The following CHST10 variants were observed in gnomAD, a reference collection of about 807,000 sequenced individuals.
CHST10 encodes carbohydrate sulfotransferase 10, also known as HNK-1 sulfotransferase.
Under a neutral mutation model 34.7 loss-of-function variants are expected in CHST10, and 24 were observed. That is an observed-to-expected ratio of 0.69 (90% CI 0.50 to 0.97). The LOEUF (loss-of-function observed/expected upper bound fraction) is 0.97. Among genes scored for constraint, CHST10 ranks in the 50% least tolerant of loss-of-function variants. CHST10 has a pLI of 0.00. For synonymous variants in CHST10, 161 were observed against 169.3 expected, an observed-to-expected ratio of 0.95 and a Z score of 0.38; for missense variants, 402 against 452.1, an observed-to-expected ratio of 0.89 and a Z score of 1.00.
At chr2:100,407,599 C>G (rs530963259) in intron 2 of CHST10, 1 of 152,288 alleles carries the variant, frequency 6.6e-6, no homozygotes, top group East Asian at 1.9e-4. Flanking sequence ...CAAATAATTT[C>G]AGAGAGAGCC....
At position 100,398,101 on chromosome 2, in the gene CHST10, G is replaced by C; in HGVS notation, c.234C>G (p.Pro78=). 6.2e-7 allele frequency: 1 copy of C among 1,613,896 alleles called. No individual in the cohort carries two copies. ...GTTCCAGGCGCTCCATGTAGACCAG[G>C]GGCTGAACGAGCTGGCTGTCTGGAA... ...KELPDSQLVQ[P]LVYMERLELI... is the part of the protein sequence containing the mutation. Residue 78 remains proline (P), a synonymous_variant, in exon 5 of 7, where the codon CCC becomes CCG. Transcript: ENST00000264249.
At chr2:100,397,842 C>T in intron 5 of CHST10, 66 bp downstream of exon 5, 1 of 1,339,230 alleles carries the variant, frequency 7.5e-7, no homozygotes, top group Non-Finnish European at 1.0e-6. Context: ...TTGCTGTCCT[C>T]CCCAGCCTCC....
At chr2:100,408,137 A>C (rs1675664041) in intron 2 of CHST10, 1 of 152,094 alleles carries the variant, frequency 6.6e-6, no homozygotes, top group Non-Finnish European at 1.5e-5. Flanking sequence ...TTTTTAGTAT[A>C]AAGTATGTCC....
At chr2:100,398,286 C>T (rs1386248460) in intron 4 of CHST10, 144 bp from the exon 5 acceptor site, 20 of 616,500 alleles carry the variant, frequency 3.2e-5, no homozygotes, top group Non-Finnish European at 5.0e-5. Context: ...TACAGAGTGA[C>T]ACCCACTATC....
rs1674826777 is a variant in CHST10, at chr2:100,392,256, A to C, written c.*989T>G. The C allele has an allele frequency of 6.5e-6, 1 of 152,684 alleles. No individual in the cohort carries two copies. Among genetic ancestry groups the C allele is most frequent in the African/African-American group, 2.4e-5 (1 of 41,448 alleles). The allele number at this position is 152,684 out of a possible 1,614,324, so 9.5% of individuals were successfully genotyped here. The stretch of plus-strand genomic sequence containing the variant: ...TTTTGCTGAGATGAAAGGAATCGAA[A>C]TGTATAAACTACACTGAATTCTGTG... On this transcript the variant is annotated 3_prime_UTR_variant, in exon 7 of 7. Transcript: ENST00000264249.
At chr2:100,394,009 T>C (rs925457159) in intron 6 of CHST10, among the ~76,000 whole-genome samples, 1 of 152,178 alleles carries the variant, frequency 6.6e-6, no homozygotes, top group Non-Finnish European at 1.5e-5. Flanking sequence ...TGGAAAACCT[T>C]ACCTGTCCAA....
intron 4 of CHST10, among the ~76,000 whole-genome samples, chr2:100,398,935 C>T (rs569843181): frequency 2.0e-4 from 31 of 152,192 alleles, no homozygotes; most frequent in African/African-American, 6.0e-4. Context: ...CCCCTGTCCT[C>T]GGTGAGTTAA....
intron 2 of CHST10, among the ~76,000 whole-genome samples, chr2:100,410,639 T>C (rs531695976): frequency 6.6e-6 from 1 of 152,284 alleles, no homozygotes; most frequent in East Asian, 1.9e-4. Flanking sequence ...AATATTTCTC[T>C]AGTCTCCACA....
Position 100,402,664 on chromosome 2 carries a change from CAG to C in CHST10, c.101-11_101-10del. On this transcript the variant is annotated splice_polypyrimidine_tract_variant and intron_variant, in intron 3 of 6. Transcript: ENST00000264249. ...CTGTTTGGCACTGTACACTGGAAGA[CAG>C]AGAGGTTGAATGTCTTCTCTAAAAG... 6.2e-7 allele frequency: 1 copy of C among 1,612,870 alleles called. No homozygotes were observed. Among genetic ancestry groups the C allele is most frequent in the African/African-American group, 1.3e-5 (1 of 75,010 alleles).
intron 6 of CHST10, among the ~76,000 whole-genome samples, chr2:100,395,061 C>G (rs1302117278): frequency 6.6e-6 from 1 of 152,176 alleles, no homozygotes; most frequent in Non-Finnish European, 1.5e-5. Context: ...GTCTCTCTAC[C>G]CTGCCCATGC....
At chr2:100,408,396 A>G (rs1480073006) in intron 2 of CHST10, 1 of 152,156 alleles carries the variant, frequency 6.6e-6, no homozygotes, top group Non-Finnish European at 1.5e-5. Flanking sequence ...ATCCCTGCTC[A>G]CACCCATTAG....
chr2:100,397,518 G>T (rs371903382), intron 5 of CHST10, among the ~76,000 whole-genome samples: 2 of 152,198 alleles, frequency 1.3e-5, no homozygotes, highest in African/African-American at 2.4e-5. Flanking sequence ...GAGGGTGACC[G>T]TGAGGCTTCC....
intron 6 of CHST10, among the ~76,000 whole-genome samples, chr2:100,394,536 T>C (rs985584242): frequency 6.6e-5 from 10 of 152,110 alleles, no homozygotes; most frequent in African/African-American, 2.4e-4. Context: ...GTTGTAAGGA[T>C]GGGCAGGTGC....
intron 5 of CHST10, 134 bp downstream of exon 5, chr2:100,397,774 G>A (rs1573176550): frequency 6.0e-6 from 4 of 667,228 alleles, no homozygotes; most frequent in Non-Finnish European, 1.0e-5. Flanking sequence ...ACAAAAACAG[G>A]CCTGTCTGGA....
In CHST10 at chr2:100,402,670, G is replaced by C. The variant is rs375517187; in HGVS notation, c.101-15C>G. The C allele has an allele frequency of 6.2e-7, 1 of 1,607,282 alleles. No homozygotes were observed. The highest frequency in any genetic ancestry group is 2.2e-5 in the East Asian group (1 of 44,820). ...GGCACTGTACACTGGAAGACAGAGA[G>C]GTTGAATGTCTTCTCTAAAAGGAAA... On this transcript the variant is annotated splice_polypyrimidine_tract_variant and intron_variant, in intron 3 of 6. Transcript: ENST00000264249.
chr2:100,395,817 T>C (rs1254531715), intron 5 of CHST10, among the ~76,000 whole-genome samples: 1 of 152,110 alleles, frequency 6.6e-6, no homozygotes, highest in Non-Finnish European at 1.5e-5. Context: ...CTTCTGGGAA[T>C]CCATAAGCCA....
Position 100,393,282 on chromosome 2 carries a change from A to G in CHST10, c.1034T>C (p.Leu345Pro). 6.2e-7 allele frequency: 1 copy of G among 1,614,142 alleles called. No individual in the cohort carries two copies. The highest frequency in any genetic ancestry group is 1.3e-5 in the African/African-American group (1 of 75,006). The change falls in exon 7 of 7, where the codon CTC (leucine) becomes CCC (proline). Residue 345 changes from leucine (L) to proline (P), a missense_variant. Physicochemically the swap from Leu to Pro is moderately conservative, Grantham distance 98. Coordinates refer to ENST00000264249, the MANE Select transcript of CHST10 (RefSeq NM_004854.5). ...LYARFEGDFK[L>P]FGYQKPDFLL... ...AAAGTCTGGTTTCTGGTACCCAAAGAGCTTAAAGTCCCCTTCGAAACGGGC... is the reference window on the plus strand; with the variant it reads ...AAAGTCTGGTTTCTGGTACCCAAAGGGCTTAAAGTCCCCTTCGAAACGGGC...
In CHST10 at chr2:100,392,963, C is replaced by G; in HGVS notation, c.*282G>C. 4.6e-6 allele frequency: 2 copies of G among 430,858 alleles called. No individual in the cohort carries two copies. Among genetic ancestry groups the G allele is most frequent in the South Asian group, 6.2e-5 (2 of 32,508 alleles). The allele number at this position is 430,858 out of a possible 1,614,324, so 26.7% of individuals were successfully genotyped here. On this transcript the variant is annotated 3_prime_UTR_variant, in exon 7 of 7. Coordinates refer to ENST00000264249, the MANE Select transcript of CHST10 (RefSeq NM_004854.5). ...GCTTCCTCCCTGCTGGGCTGTCAAA[C>G]TGCAAATCTTTAGCCTTTTCTCCCC...
At chr2:100,413,170 C>T (rs933318543) in intron 2 of CHST10, among the ~76,000 whole-genome samples, 1 of 152,324 alleles carries the variant, frequency 6.6e-6, no homozygotes, top group East Asian at 1.9e-4. Context: ...AGCTAGGGGA[C>T]AAATGGCCTT....
Sources: gnomAD v4.1 joint callset for allele counts (sites outside exome capture counted in the v4.1 genomes callset) on GRCh38, gnomAD v4.1.1 for gene constraint, MANE v1.5 for transcripts, NCBI Gene and HGNC (gene_info 2026-07-23, HGNC 2026-07-21) for gene names.